The following PPP2R2B variants were observed in gnomAD, a reference collection of about 807,000 sequenced individuals.
The protein encoded by PPP2R2B is serine/threonine-protein phosphatase 2A 55 kDa regulatory subunit B beta isoform.
In PPP2R2B, 5 loss-of-function variants were observed where a neutral mutation model predicts 46.0. The observed-to-expected ratio is 0.11, with a 90% CI of 0.06 to 0.23. PPP2R2B has a LOEUF of 0.23. Ranked by LOEUF, PPP2R2B falls within the 10% of genes least tolerant of loss-of-function variation. The pLI is 1.00. For synonymous variants in PPP2R2B, 215 were observed against 206.7 expected (o/e 1.04, Z -0.34); for missense variants, 367 against 575.0 (o/e 0.64, Z 3.70).
chr5:147,022,549 G>T (rs575398064), intron 1 of PPP2R2B, among the ~76,000 whole-genome samples: 6 of 126,428 alleles, frequency 4.7e-5, no homozygotes, highest in Non-Finnish European at 7.0e-5. Context: ...ACAGAGCAAG[G>T]CTCCATCCAA....
At chr5:146,674,899 C>T in intron 5 of PPP2R2B, among the ~76,000 whole-genome samples, 1 of 152,160 alleles carries the variant, frequency 6.6e-6, no homozygotes, top group East Asian at 1.9e-4. Context: ...AGTGTTGGCG[C>T]TTCTCCAACT....
chr5:146,684,216 T>C (rs1561830579), intron 5 of PPP2R2B, among the ~76,000 whole-genome samples: 2 of 152,092 alleles, frequency 1.3e-5, no homozygotes, highest in Non-Finnish European at 2.9e-5. Context: ...AATCACAAAA[T>C]GAAGTCTAAA....
At chr5:146,673,190 A>C (rs1777484467) in intron 5 of PPP2R2B, among the ~76,000 whole-genome samples, 1 of 152,366 alleles carries the variant, frequency 6.6e-6, no homozygotes. Context: ...GAGCAATCTA[A>C]TTCTACCTGA....
chr5:147,030,696 C>A (rs1755737901), intron 1 of PPP2R2B, among the ~76,000 whole-genome samples: 2 of 152,100 alleles, frequency 1.3e-5, no homozygotes, highest in Admixed American at 6.5e-5. Flanking sequence ...TTATTAAAGT[C>A]TAATTTATAT....
upstream of PPP2R2B, among the ~76,000 whole-genome samples, chr5:146,880,179 TTGTGTG>T (rs57151657): frequency 0.071 from 9,856 of 138,092 alleles, 495 homozygotes; most frequent in African/African-American, 0.15. Context: ...CATAGTTATT[TTGTGTG>T]TGTGTGTGTG....
In PPP2R2B at chr5:146,952,192, C is replaced by T. The variant is rs369563287; in HGVS notation, c.79+103473G>A. ...GAATAACTCTCCCTTTCTTTCTTGCCCTGTTGATTTTTTAAATCCTTTTTT... is the reference window on the plus strand; with the variant it reads ...GAATAACTCTCCCTTTCTTTCTTGCTCTGTTGATTTTTTAAATCCTTTTTT... On this transcript the variant is annotated intron_variant, in intron 1 of 8. Transcript: ENST00000336640. 9.9e-5 allele frequency among the ~76,000 whole-genome samples: 15 copies of T among 151,908 alleles called. No individual in the cohort carries two copies. The South Asian group carries it at 2.9e-3, about 30-fold the overall frequency.
chr5:147,013,202 G>A (rs1181589521), intron 1 of PPP2R2B, among the ~76,000 whole-genome samples: 1 of 116,926 alleles, frequency 8.6e-6, no homozygotes, highest in Non-Finnish European at 2.1e-5. Flanking sequence ...TCTTGAAGGA[G>A]AACTACAAAC....
At position 146,877,864 on chromosome 5, in the gene PPP2R2B, C is replaced by T. The variant is rs1761988285; in HGVS notation, c.70+138G>A. On this transcript the variant is annotated intron_variant, in intron 2 of 9. Coordinates refer to ENST00000394411, the MANE Select transcript of PPP2R2B (RefSeq NM_181675.4). Reference sequence around the variant, plus strand: ...ATGGATGCGAGGTGCACTGGGGCTGCCGGGGCCAGCCGAGCCCCCGCCCCA... The same window carrying T: ...ATGGATGCGAGGTGCACTGGGGCTGTCGGGGCCAGCCGAGCCCCCGCCCCA... 6.9e-6 allele frequency: 7 copies of T among 1,018,600 alleles called. No individual in the cohort carries two copies. In the South Asian group the frequency reaches 1.2e-4, roughly 17 times the overall value. The allele number at this position is 1,018,600 out of a possible 1,614,324, so 63.1% of individuals were successfully genotyped here. A position where few individuals can be genotyped will look rare whatever the true frequency, so the allele number is the denominator to read the frequency against.
chr5:146,717,469 T>A (rs1780559478), intron 2 of PPP2R2B, among the ~76,000 whole-genome samples: 2 of 152,226 alleles, frequency 1.3e-5, no homozygotes, highest in South Asian at 4.1e-4. Flanking sequence ...CTGTGATGCA[T>A]TGCTTTCTGC....
intron 5 of PPP2R2B, among the ~76,000 whole-genome samples, chr5:146,674,135 A>C (rs779870535): frequency 1.2e-3 from 176 of 152,316 alleles, no homozygotes; most frequent in Non-Finnish European, 1.8e-3. Flanking sequence ...AGCTAGCTAC[A>C]TATTATTGAA....
At chr5:146,930,852 T>G (rs1763945549) in intron 1 of PPP2R2B, among the ~76,000 whole-genome samples, 1 of 152,170 alleles carries the variant, frequency 6.6e-6, no homozygotes, top group Admixed American at 6.5e-5. Context: ...CTTTCTCTTT[T>G]TGGAATGCAG....
rs1754267461 is a variant in PPP2R2B, at chr5:146,763,153, G to A, written c.71-62011C>T. Among the ~76,000 whole-genome samples, 5 of 152,276 alleles carry A rather than the reference G, an allele frequency of 3.3e-5. No individual in the cohort carries two copies. In the South Asian group the frequency reaches 1.0e-3, roughly 32 times the overall value. ...GTTAAAACATCAGCCTTCAACTCTG[G>A]AATCACACCCTTGTCACTGGCATCC... On this transcript the variant is annotated intron_variant, in intron 2 of 9. Transcript: ENST00000394411.
intron 7 of PPP2R2B, among the ~76,000 whole-genome samples, chr5:146,604,473 A>G (rs1014273304): frequency 3.3e-5 from 5 of 152,184 alleles, no homozygotes; most frequent in African/African-American, 7.2e-5. Context: ...GGAGAGAGGA[A>G]GAGAACTAAG....
chr5:147,046,604 C>A (rs1032598845), intron 1 of PPP2R2B, among the ~76,000 whole-genome samples: 31 of 152,042 alleles, frequency 2.0e-4, no homozygotes, highest in Admixed American at 4.6e-4. Context: ...GATCCAGAAA[C>A]ACAAATCAAA....
At chr5:146,819,291 A>G (rs1243021117) in intron 2 of PPP2R2B, among the ~76,000 whole-genome samples, 2 of 152,234 alleles carry the variant, frequency 1.3e-5, no homozygotes, top group Non-Finnish European at 2.9e-5. Flanking sequence ...AGTGGGCTAC[A>G]TGGAGAGTTC....
At chr5:146,729,170 T>A (rs1468161438) in intron 2 of PPP2R2B, among the ~76,000 whole-genome samples, 1 of 152,192 alleles carries the variant, frequency 6.6e-6, no homozygotes, top group African/African-American at 2.4e-5. Context: ...AGGAACTTGT[T>A]GGGAACTGGA....
chr5:146,990,242 T>G (rs1026627831), intron 1 of PPP2R2B, among the ~76,000 whole-genome samples: 2 of 151,822 alleles, frequency 1.3e-5, no homozygotes, highest in Non-Finnish European at 2.9e-5. Context: ...TTAAAATTCA[T>G]GTGGAAGTGC....
At position 146,803,325 on chromosome 5, in the gene PPP2R2B, G is replaced by A. The variant is rs556855871; in HGVS notation, c.70+74677C>T. On this transcript the variant is annotated intron_variant, in intron 2 of 9. Coordinates refer to ENST00000394411, the MANE Select transcript of PPP2R2B (RefSeq NM_181675.4). Reference sequence around the variant, plus strand: ...CAGCAAATGCCTCATGTCAGGGAATGTTCTAAGAGAGTGCTGGGGATTATC... The same window carrying A: ...CAGCAAATGCCTCATGTCAGGGAATATTCTAAGAGAGTGCTGGGGATTATC... Among the ~76,000 whole-genome samples, 20 of 152,250 alleles carry A rather than the reference G, an allele frequency of 1.3e-4. No homozygotes were observed. In the East Asian group the frequency reaches 3.9e-3, roughly 29 times the overall value.
chr5:146,684,255 A>G (rs1581868082), intron 5 of PPP2R2B, among the ~76,000 whole-genome samples: 2 of 152,244 alleles, frequency 1.3e-5, no homozygotes, highest in East Asian at 1.9e-4. Context: ...GGAAGGCTGT[A>G]TCTATGTCCT....
Sources: allele counts gnomAD v4.1 joint callset (sites outside exome capture counted in the v4.1 genomes callset), GRCh38; gene constraint gnomAD v4.1.1; transcripts MANE v1.5; gene names NCBI Gene and HGNC (gene_info 2026-07-23, HGNC 2026-07-21).